GALNT13: variants seen among roughly 807,000 people sequenced by gnomAD.
The protein encoded by GALNT13 is polypeptide N-acetylgalactosaminyltransferase 13, also known as UDP-GalNAc:polypeptide N-acetylgalactosaminyltransferase 13.
In GALNT13, 28 loss-of-function variants were observed where a neutral mutation model predicts 64.2. The observed-to-expected ratio is 0.44, with a 90% CI of 0.32 to 0.60. The LOEUF (loss-of-function observed/expected upper bound fraction) is 0.60, where lower values mean the gene tolerates loss of function less well. Ranked by LOEUF, GALNT13 falls within the 20% of genes least tolerant of loss-of-function variation. The probability of loss-of-function intolerance (pLI) is 0.05; values close to 1 mark genes in which losing one functional copy is unlikely to be tolerated. For synonymous variants in GALNT13, 214 were observed against 224.6 expected, an observed-to-expected ratio of 0.95 and a Z score of 0.42; for missense variants, 577 against 669.8, an observed-to-expected ratio of 0.86 and a Z score of 1.53.
chr2:153,316,858 G>A, the GALNT13 span, among the ~76,000 whole-genome samples: 10 of 151,990 alleles, frequency 6.6e-5, no homozygotes, highest in African/African-American at 1.2e-4. Flanking sequence ...GACTTTGTAG[G>A]GATTCAAGAC....
chr2:153,565,695 C>T, the GALNT13 span, among the ~76,000 whole-genome samples: 2 of 152,126 alleles, frequency 1.3e-5, no homozygotes, highest in African/African-American at 4.8e-5. Flanking sequence ...CTTAAAGTCA[C>T]AGTTTCCAAG....
At chr2:154,274,408 T>C (rs1421661348) in intron 8 of GALNT13, among the ~76,000 whole-genome samples, 1 of 152,148 alleles carries the variant, frequency 6.6e-6, no homozygotes, top group Non-Finnish European at 1.5e-5. Flanking sequence ...TACAAAGTTC[T>C]CTGCTGCTGT....
At chr2:153,754,873 G>A in the GALNT13 span, among the ~76,000 whole-genome samples, 1 of 152,126 alleles carries the variant, frequency 6.6e-6, no homozygotes, top group Non-Finnish European at 1.5e-5. Context: ...GCTGGAATTG[G>A]CAATTTTCCT....
chr2:154,065,935 C>T (rs1353482514), intron 3 of GALNT13, among the ~76,000 whole-genome samples: 2 of 137,320 alleles, frequency 1.5e-5, no homozygotes, highest in African/African-American at 6.3e-5. Flanking sequence ...ATTTTTCAGA[C>T]AGAGAATTTA....
At chr2:153,700,048 A>G in the GALNT13 span, among the ~76,000 whole-genome samples, 1 of 151,964 alleles carries the variant, frequency 6.6e-6, no homozygotes, top group Non-Finnish European at 1.5e-5. Context: ...AAAACCCCCA[A>G]AACTTTAGGC....
intron 8 of GALNT13, among the ~76,000 whole-genome samples, chr2:154,286,429 T>G (rs936422227): frequency 6.6e-6 from 1 of 152,186 alleles, no homozygotes; most frequent in African/African-American, 2.4e-5. Context: ...ACTCAGATGA[T>G]CATGTGCTTT....
At chr2:153,541,046 G>T in the GALNT13 span, among the ~76,000 whole-genome samples, 1 of 152,118 alleles carries the variant, frequency 6.6e-6, no homozygotes, top group Non-Finnish European at 1.5e-5. Flanking sequence ...GGGGTGGAAT[G>T]ATATGGTTTG....
chr2:153,960,656 G>C (rs1336980352), intron 3 of GALNT13, among the ~76,000 whole-genome samples: 1 of 152,172 alleles, frequency 6.6e-6, no homozygotes, highest in Non-Finnish European at 1.5e-5. Flanking sequence ...CATGGCAATG[G>C]TAAATTGACA....
the GALNT13 span, among the ~76,000 whole-genome samples, chr2:153,347,451 C>G: frequency 1.3e-5 from 2 of 152,154 alleles, no homozygotes; most frequent in Non-Finnish European, 2.9e-5. Context: ...AATTTCAAGA[C>G]AGCAACTGTA....
chr2:154,020,064 G>C (rs1297899280), intron 3 of GALNT13, among the ~76,000 whole-genome samples: 3 of 152,126 alleles, frequency 2.0e-5, no homozygotes, highest in Admixed American at 2.0e-4. Flanking sequence ...GTATTCCATG[G>C]TATATATGTG....
intron 11 of GALNT13, among the ~76,000 whole-genome samples, chr2:154,412,106 A>G (rs1003494343): frequency 1.3e-5 from 2 of 151,778 alleles, no homozygotes; most frequent in South Asian, 2.1e-4. Context: ...GGCTAATGTC[A>G]CAAGCAAGAT....
chr2:154,113,088 C>T (rs867264281), intron 3 of GALNT13, among the ~76,000 whole-genome samples: 22 of 152,106 alleles, frequency 1.4e-4, no homozygotes, highest in Admixed American at 3.3e-4. Flanking sequence ...CTTGATGACC[C>T]GTAGGCAAAC....
chr2:153,820,484 T>A, the GALNT13 span, among the ~76,000 whole-genome samples: 1 of 152,056 alleles, frequency 6.6e-6, no homozygotes, highest in African/African-American at 2.4e-5. Flanking sequence ...AGAAAAAATA[T>A]CAGATCCCAT....
the GALNT13 span, among the ~76,000 whole-genome samples, chr2:153,583,322 G>A: frequency 6.6e-6 from 1 of 152,140 alleles, no homozygotes. Context: ...TGAAGGACAT[G>A]GTTTTCTTTT....
At chr2:153,076,184 G>T in the GALNT13 span, among the ~76,000 whole-genome samples, 3 of 152,104 alleles carry the variant, frequency 2.0e-5, no homozygotes, top group Non-Finnish European at 4.4e-5. Context: ...ATAGTGTCAG[G>T]TTCCTCTCTA....
At chr2:153,857,729 T>G in the GALNT13 span, among the ~76,000 whole-genome samples, 9 of 152,312 alleles carry the variant, frequency 5.9e-5, no homozygotes, top group African/African-American at 1.7e-4. Context: ...ACTTGGTGAT[T>G]AAAGGATTGA....
chr2:154,454,873 C>A (rs1702010935), downstream of GALNT13, among the ~76,000 whole-genome samples: 1 of 152,122 alleles, frequency 6.6e-6, no homozygotes, highest in Non-Finnish European at 1.5e-5. Flanking sequence ...TACTCACTTT[C>A]ATTTTCCTTC....
the GALNT13 span, among the ~76,000 whole-genome samples, chr2:153,814,825 A>G: frequency 6.6e-6 from 1 of 152,216 alleles, no homozygotes; most frequent in Non-Finnish European, 1.5e-5. Flanking sequence ...AATTTGATAT[A>G]TACATGTATT....
At chr2:153,576,365 G>T in the GALNT13 span, among the ~76,000 whole-genome samples, 1 of 152,140 alleles carries the variant, frequency 6.6e-6, no homozygotes, top group South Asian at 2.1e-4. Context: ...GCCTTTCAAG[G>T]TTTCTTCAAG....
Sources: gnomAD v4.1 joint callset for allele counts (sites outside exome capture counted in the v4.1 genomes callset) on GRCh38, gnomAD v4.1.1 for gene constraint, MANE v1.5 for transcripts, NCBI Gene and HGNC (gene_info 2026-07-23, HGNC 2026-07-21) for gene names.